CHST15: variants seen among roughly 807,000 people sequenced by gnomAD.
CHST15 encodes B cell RAG associated protein (GALNAC4S-6ST).
Under a neutral mutation model 53.6 loss-of-function variants are expected in CHST15, and 30 were observed. The observed-to-expected ratio is 0.56, with a 90% confidence interval of 0.42 to 0.76. The LOEUF is 0.76. Among genes scored for constraint, CHST15 ranks in the 30% least tolerant of loss-of-function variants. The pLI, the probability that CHST15 is intolerant of heterozygous loss-of-function variation, is 0.00. For missense variants in CHST15, 627 were observed against 740.5 expected (o/e 0.85, Z 1.78); for synonymous variants, 296 against 289.8 (o/e 1.02, Z -0.22).
At chr10:124,029,768 G>A (rs1376719875) in intron 5 of CHST15, among the ~76,000 whole-genome samples, 1 of 152,216 alleles carries the variant, frequency 6.6e-6, no homozygotes, top group Non-Finnish European at 1.5e-5. Context: ...GCACACCGGG[G>A]CGGGGCCAGT....
In CHST15 at chr10:124,019,289, C is replaced by T. The variant is rs1018984277; in HGVS notation, c.1347+1967G>A. ...CTCCTGCCAGCCCCAGCCCTGAGAC[C>T]GCCCTCAGGGAGCTGCCTTGAGGAC... is the stretch of plus-strand genomic sequence containing the variant. On this transcript the variant is annotated intron_variant, in intron 6 of 7. Coordinates refer to ENST00000435907, the MANE Select transcript of CHST15 (RefSeq NM_001270764.2). The surrounding 1 kb of genome is among the most constrained non-coding windows in gnomAD (Gnocchi z 4.6). 4.6e-5 allele frequency among the ~76,000 whole-genome samples: 7 copies of T among 152,174 alleles called. No individual in the cohort carries two copies. The highest frequency in any genetic ancestry group is 1.9e-4 in the East Asian group (1 of 5,192).
At chr10:124,070,717 G>C (rs2134156753) in intron 1 of CHST15, among the ~76,000 whole-genome samples, 1 of 152,324 alleles carries the variant, frequency 6.6e-6, no homozygotes, top group South Asian at 2.1e-4. Flanking sequence ...TCAGGCTCAA[G>C]TGTAGAGCCC....
chr10:124,061,398 G>A lies in CHST15; in HGVS notation c.-512-14674C>T, dbSNP rs188696294. Among the ~76,000 whole-genome samples the A allele has an allele frequency of 7.2e-5, 11 of 152,262 alleles. No individual in the cohort carries two copies. In the Middle Eastern group the frequency reaches 0.014, roughly 188 times the overall value. Reference sequence around the variant, plus strand: ...TGCTTCTGTCTCATTTTCTCTTGCCGCAGCCATGTAAGAAGTGCCTTTTGC... The same window carrying A: ...TGCTTCTGTCTCATTTTCTCTTGCCACAGCCATGTAAGAAGTGCCTTTTGC... On this transcript the variant is annotated intron_variant, in intron 1 of 7. Coordinates refer to ENST00000435907, the MANE Select transcript of CHST15 (RefSeq NM_001270764.2).
chr10:124,019,304 G>T lies in CHST15; in HGVS notation c.1347+1952C>A, dbSNP rs1296364466. 6.6e-6 allele frequency among the ~76,000 whole-genome samples: 1 copy of T among 152,176 alleles called. No individual in the cohort carries two copies. Among genetic ancestry groups the T allele is most frequent in the Non-Finnish European group, 1.5e-5 (1 of 68,028 alleles). On this transcript the variant is annotated intron_variant, in intron 6 of 7. Coordinates refer to ENST00000435907, the MANE Select transcript of CHST15 (RefSeq NM_001270764.2). The surrounding 1 kb of genome is among the most constrained non-coding windows in gnomAD (Gnocchi z 4.6). ...GCCCTGAGACCGCCCTCAGGGAGCT[G>T]CCTTGAGGACCGGGTGGGCTGCCCT...
At chr10:124,073,590 A>G (rs1308158328) in intron 1 of CHST15, among the ~76,000 whole-genome samples, 1 of 152,214 alleles carries the variant, frequency 6.6e-6, no homozygotes, top group African/African-American at 2.4e-5. Context: ...AAGTTCACCA[A>G]AAAAAGAAAG....
At chr10:124,054,102 C>G (rs774311154) in intron 1 of CHST15, among the ~76,000 whole-genome samples, 1 of 152,160 alleles carries the variant, frequency 6.6e-6, no homozygotes, top group Non-Finnish European at 1.5e-5. Flanking sequence ...GATGAAGAGG[C>G]CTTCCTCCTT....
intron 6 of CHST15, among the ~76,000 whole-genome samples, chr10:124,018,517 C>G (rs756732698): frequency 2.4e-4 from 37 of 152,368 alleles, no homozygotes; most frequent in Non-Finnish European, 4.9e-4. Flanking sequence ...CCTGTCTGTT[C>G]AGATTCGCCT....
chr10:124,055,657 G>A (rs141000864), intron 1 of CHST15, among the ~76,000 whole-genome samples: 9 of 152,306 alleles, frequency 5.9e-5, no homozygotes, highest in East Asian at 5.8e-4. Context: ...ACCAGGGCCC[G>A]TAGCTCTGGC....
intron 5 of CHST15, among the ~76,000 whole-genome samples, chr10:124,023,469 G>A (rs970272496): frequency 6.7e-6 from 1 of 148,492 alleles, no homozygotes; most frequent in African/African-American, 2.5e-5. Context: ...TGGGCAATGG[G>A]AGTGAGAACC....
chr10:124,020,865 T>G, intron 6 of CHST15: 2 of 1,254,262 alleles, frequency 1.6e-6, no homozygotes, highest in Admixed American at 3.9e-5. Flanking sequence ...AAATCATTGA[T>G]GGGTAGTTTT....
In CHST15 at chr10:124,046,062, G is replaced by T; in HGVS notation, c.151C>A (p.Gln51Lys). 6.2e-7 allele frequency: 1 copy of T among 1,614,226 alleles called. No individual in the cohort carries two copies. The change falls in exon 2 of 8, where the codon CAG (glutamine) becomes AAG (lysine). Residue 51 changes from glutamine (Q) to lysine (K), a missense_variant. Gln to Lys is a moderately conservative substitution (Grantham distance 53). Around this residue, in one of 3 missense-constraint regions of CHST15, gnomAD observed 187 missense variants for 251.8 expected, o/e 0.74. Coordinates refer to ENST00000435907, the MANE Select transcript of CHST15 (RefSeq NM_001270764.2). Reference protein sequence around the residue: ...NKILFRVDSKQMNLLAVLEVR... With the variant: ...NKILFRVDSKKMNLLAVLEVR... ...TCGAGAACAGCAAGCAAGTTCATCT[G>T]CTTACTGTCCACACGAAACAGAATT...
At chr10:124,023,148 T>C (rs1006067676) in intron 5 of CHST15, among the ~76,000 whole-genome samples, 1 of 152,092 alleles carries the variant, frequency 6.6e-6, no homozygotes, top group African/African-American at 2.4e-5. Context: ...GCAGTCCCTA[T>C]ACCTACCACA....
intron 7 of CHST15, chr10:124,010,962 A>C (rs1384110157): frequency 6.1e-6 from 6 of 984,832 alleles, no homozygotes; most frequent in Non-Finnish European, 7.2e-6. Context: ...AGTCACCCCC[A>C]CGCCCCGCCC....
intron 1 of CHST15, among the ~76,000 whole-genome samples, chr10:124,073,624 T>A (rs1054273087): frequency 2.6e-5 from 4 of 152,236 alleles, no homozygotes; most frequent in Non-Finnish European, 5.9e-5. Context: ...GGTAAGTTTC[T>A]GCCCCATCAG....
chr10:124,031,277 A>G (rs1947215287), intron 5 of CHST15, among the ~76,000 whole-genome samples: 1 of 152,230 alleles, frequency 6.6e-6, no homozygotes, highest in African/African-American at 2.4e-5. Flanking sequence ...TACAGCTTGC[A>G]TCTAGCACAT....
chr10:124,047,662 A>G, intron 1 of CHST15, among the ~76,000 whole-genome samples: 1 of 152,312 alleles, frequency 6.6e-6, no homozygotes. Flanking sequence ...CTCAATAGTA[A>G]AATTAGGATA....
At chr10:124,047,199 T>G (rs1948032720) in intron 1 of CHST15, among the ~76,000 whole-genome samples, 1 of 152,136 alleles carries the variant, frequency 6.6e-6, no homozygotes, top group African/African-American at 2.4e-5. Flanking sequence ...GCAGAGAAAA[T>G]GTGTTTTTTC....
chr10:124,081,301 G>C (rs1949226871), intron 1 of CHST15, among the ~76,000 whole-genome samples: 1 of 152,148 alleles, frequency 6.6e-6, no homozygotes, highest in Admixed American at 6.5e-5. Context: ...AGTTCCCTCA[G>C]CGTTTCTTAG....
chr10:124,061,310 G>A (rs1948564313), intron 1 of CHST15, among the ~76,000 whole-genome samples: 4 of 152,154 alleles, frequency 2.6e-5, no homozygotes, highest in Admixed American at 1.3e-4. Context: ...GGTTTTTCCC[G>A]TGCTATTCTC....
Sources: allele counts gnomAD v4.1 joint callset (sites outside exome capture counted in the v4.1 genomes callset), GRCh38; gene constraint gnomAD v4.1.1; regional missense constraint gnomAD v4.1.1; non-coding constraint Gnocchi (gnomAD v3.1); transcripts MANE v1.5; gene names NCBI Gene and HGNC (gene_info 2026-07-23, HGNC 2026-07-21).